The following ZNF521 variants were observed in gnomAD, a reference collection of about 807,000 sequenced individuals.
ZNF521 encodes LYST-interacting protein 3.
In ZNF521, 14 loss-of-function variants were observed where a neutral mutation model predicts 105.5. That is an observed-to-expected ratio of 0.13 (90% confidence interval 0.09 to 0.21). The LOEUF is 0.21. Among genes scored for constraint, ZNF521 ranks in the 10% least tolerant of loss-of-function variants. The pLI is 1.00. For synonymous variants in ZNF521, 635 were observed against 606.0 expected, an observed-to-expected ratio of 1.05 and a Z score of -0.70; for missense variants, 1,233 against 1,629.7, an observed-to-expected ratio of 0.76 and a Z score of 4.19.
chr18:25,306,170 T>C (rs530119605), intron 3 of ZNF521, among the ~76,000 whole-genome samples: 2 of 152,366 alleles, frequency 1.3e-5, no homozygotes, highest in East Asian at 3.9e-4. Flanking sequence ...TTTTGTTAAT[T>C]CATTTCTCCT....
At chr18:25,341,981 A>C (rs2145209505) in intron 2 of ZNF521, among the ~76,000 whole-genome samples, 1 of 152,180 alleles carries the variant, frequency 6.6e-6, no homozygotes, top group East Asian at 1.9e-4. Context: ...TTAAATGATG[A>C]ATAAGCTTCC....
chr18:25,121,503 G>A (rs1452211152), intron 5 of ZNF521, among the ~76,000 whole-genome samples: 8 of 151,808 alleles, frequency 5.3e-5, no homozygotes, highest in Non-Finnish European at 1.2e-4. Context: ...TGCCCTCCTT[G>A]GCCTCTCAAA....
chr18:25,214,779 C>T (rs979556823), intron 4 of ZNF521, among the ~76,000 whole-genome samples: 3 of 152,046 alleles, frequency 2.0e-5, no homozygotes, highest in Non-Finnish European at 4.4e-5. Flanking sequence ...TGATAGGAAG[C>T]ACGTGAAGGA....
chr18:25,086,331 C>T (rs1041016659), intron 7 of ZNF521, among the ~76,000 whole-genome samples: 1 of 152,022 alleles, frequency 6.6e-6, no homozygotes, highest in African/African-American at 2.4e-5. Flanking sequence ...TTTAAAATTA[C>T]ATTAATTCCA....
chr18:25,181,533 G>A (rs933095280), intron 5 of ZNF521, among the ~76,000 whole-genome samples: 3 of 152,102 alleles, frequency 2.0e-5, no homozygotes, highest in African/African-American at 7.2e-5. Flanking sequence ...ATGTTCATAG[G>A]AAACTAACCA....
intron 7 of ZNF521, among the ~76,000 whole-genome samples, chr18:25,079,585 G>A (rs893805510): frequency 4.3e-5 from 6 of 140,552 alleles, no homozygotes; most frequent in Non-Finnish European, 9.2e-5. Flanking sequence ...AACACCAAGA[G>A]ATCTCAGGAA....
At chr18:25,186,593 C>CAA (rs1332016333) in intron 5 of ZNF521, among the ~76,000 whole-genome samples, 4 of 152,136 alleles carry the variant, frequency 2.6e-5, no homozygotes, top group Non-Finnish European at 5.9e-5. Flanking sequence ...AATGAAGGAA[C>CAA]TCTTTTCAAA....
intron 5 of ZNF521, among the ~76,000 whole-genome samples, chr18:25,192,423 T>A (rs28639428): frequency 2.0e-5 from 3 of 152,070 alleles, no homozygotes; most frequent in African/African-American, 7.2e-5. Flanking sequence ...TGCTTGACAC[T>A]GAGATTGCAC....
At chr18:25,189,174 T>C (rs958961117) in intron 5 of ZNF521, among the ~76,000 whole-genome samples, 1 of 152,172 alleles carries the variant, frequency 6.6e-6, no homozygotes, top group African/African-American at 2.4e-5. Flanking sequence ...TCATTTTTCT[T>C]TGAGTTTCTT....
At chr18:25,240,974 G>A (rs1426118797) in intron 3 of ZNF521, among the ~76,000 whole-genome samples, 6 of 146,262 alleles carry the variant, frequency 4.1e-5, no homozygotes, top group African/African-American at 1.3e-4. Flanking sequence ...AAAAAAGTTA[G>A]AGCAAGCAAT....
chr18:25,349,811 C>G (rs946082521), intron 2 of ZNF521, among the ~76,000 whole-genome samples: 5 of 150,110 alleles, frequency 3.3e-5, no homozygotes, highest in Admixed American at 3.3e-4. Context: ...CACCAGCCGC[C>G]CTTTGTCCTC....
At chr18:25,126,898 C>T (rs895461443) in intron 5 of ZNF521, among the ~76,000 whole-genome samples, 4 of 152,102 alleles carry the variant, frequency 2.6e-5, no homozygotes, top group Non-Finnish European at 5.9e-5. Context: ...GCACCATAAA[C>T]TTGGATAAGC....
At chr18:25,126,570 A>G (rs148526255) in intron 5 of ZNF521, among the ~76,000 whole-genome samples, 1 of 152,224 alleles carries the variant, frequency 6.6e-6, no homozygotes, top group African/African-American at 2.4e-5. Flanking sequence ...AAGTAAAGTC[A>G]CTCATGAATA....
At chr18:25,266,677 AG>A (rs1166491808) in intron 3 of ZNF521, among the ~76,000 whole-genome samples, 1 of 152,074 alleles carries the variant, frequency 6.6e-6, no homozygotes, top group Non-Finnish European at 1.5e-5. Context: ...AGCCAAGGGA[AG>A]ATGTGAGGGA....
intron 4 of ZNF521, among the ~76,000 whole-genome samples, chr18:25,206,482 TC>T (rs1421928927): frequency 8.5e-5 from 13 of 152,164 alleles, no homozygotes; most frequent in Admixed American, 5.9e-4. Context: ...CTCTAATGTA[TC>T]CTTCCAGCTA....
At chr18:25,241,711 G>A (rs1907345934) in intron 3 of ZNF521, among the ~76,000 whole-genome samples, 3 of 152,092 alleles carry the variant, frequency 2.0e-5, no homozygotes, top group Admixed American at 6.5e-5. Flanking sequence ...GGGAAAATGT[G>A]CACATCTTTA....
chr18:25,233,152 T>C (rs1906646857), intron 3 of ZNF521, among the ~76,000 whole-genome samples: 1 of 152,156 alleles, frequency 6.6e-6, no homozygotes, highest in Admixed American at 6.5e-5. Context: ...TTTTACACCA[T>C]CATATTTAAA....
At chr18:25,082,056 T>G (rs1030359150) in intron 7 of ZNF521, among the ~76,000 whole-genome samples, 8 of 152,072 alleles carry the variant, frequency 5.3e-5, no homozygotes, top group South Asian at 2.1e-4. Flanking sequence ...TTCCTGGAGA[T>G]CCGATCAAAT....
chr18:25,091,309 C>T (rs1391856621), intron 6 of ZNF521, among the ~76,000 whole-genome samples: 1 of 152,118 alleles, frequency 6.6e-6, no homozygotes. Context: ...CCTCCATGGG[C>T]TTCAAATGAG....
Sources: allele counts gnomAD v4.1 joint callset (sites outside exome capture counted in the v4.1 genomes callset), GRCh38; gene constraint gnomAD v4.1.1; transcripts MANE v1.5; gene names NCBI Gene and HGNC (gene_info 2026-07-23, HGNC 2026-07-21).